YY1AP1: variants seen among roughly 807,000 people sequenced by gnomAD.
YY1AP1 encodes YY1-associated protein 1.
A neutral mutation model predicts 39.9 loss-of-function variants in YY1AP1; 43 were observed. The ratio of observed to expected loss-of-function variants is 1.08; its 90% CI spans 0.84 to 1.39. YY1AP1 has a LOEUF of 1.39. Among genes scored for constraint, YY1AP1 ranks in the 40% most tolerant of loss-of-function variants. The pLI is 0.00. For synonymous variants in YY1AP1, 292 were observed against 331.3 expected (o/e 0.88, Z 1.29); for missense variants, 813 against 900.7 (o/e 0.90, Z 1.25).
In YY1AP1 at chr1:155,675,102, G is replaced by T. The variant is rs1236922142; in HGVS notation, c.325-6C>A. The T allele has an allele frequency of 3.1e-6, 5 of 1,612,548 alleles. No homozygotes were observed. The African/African-American group carries it at 6.7e-5, about 22-fold the overall frequency. Reference sequence around the variant, plus strand: ...TGTGTCAAGAGCTGAACATGCTGGGGAGAGAAAGAAAATAATGCAGTGATA... The same window carrying T: ...TGTGTCAAGAGCTGAACATGCTGGGTAGAGAAAGAAAATAATGCAGTGATA... On this transcript the variant is annotated splice_region_variant and splice_polypyrimidine_tract_variant and intron_variant, in intron 5 of 10. Transcript: ENST00000355499.
intron 9 of YY1AP1, among the ~76,000 whole-genome samples, chr1:155,664,433 A>G (rs1262932877): frequency 2.8e-4 from 42 of 152,178 alleles, no homozygotes; most frequent in Admixed American, 2.7e-3. Flanking sequence ...CAATATTACT[A>G]CCAGGAAACT....
chr1:155,665,016 C>T (rs1190745603), intron 9 of YY1AP1, among the ~76,000 whole-genome samples: 2 of 151,868 alleles, frequency 1.3e-5, no homozygotes, highest in African/African-American at 2.4e-5. Flanking sequence ...GTGATCCACC[C>T]GCCTCAGCCT....
chr1:155,660,384 G>A lies in YY1AP1; in HGVS notation c.1526C>T (p.Pro509Leu). The A allele has an allele frequency of 6.2e-7, 1 of 1,614,132 alleles. No homozygotes were observed. The highest frequency in any genetic ancestry group is 8.5e-7 in the Non-Finnish European group (1 of 1,180,026). Reference sequence around the variant, plus strand: ...GGCAGGGGAGGGCATCATTACCTTGGGCACAGGGGCAGAAGAGAGCAAAGT... The same window carrying A: ...GGCAGGGGAGGGCATCATTACCTTGAGCACAGGGGCAGAAGAGAGCAAAGT... ...SQTLLSSAPVPKVMMPSPASS... is the reference protein window; with the variant it reads ...SQTLLSSAPVLKVMMPSPASS... The change falls in exon 11 of 11, where the codon CCC (proline) becomes CTC (leucine). Residue 509 changes from proline (P) to leucine (L), a missense_variant. Transcript: ENST00000355499.
At chr1:155,675,149 G>C in intron 5 of YY1AP1, 53 bp from the exon 6 acceptor site, 1 of 1,536,332 alleles carries the variant, frequency 6.5e-7, no homozygotes, top group Non-Finnish European at 9.0e-7. Context: ...TGCCATTTCA[G>C]GAGCCCAGAG....
intron 9 of YY1AP1, among the ~76,000 whole-genome samples, chr1:155,665,641 G>C (rs1178145898): frequency 1.3e-5 from 2 of 150,338 alleles, no homozygotes; most frequent in African/African-American, 4.9e-5. Context: ...GGCCAGGCGT[G>C]GTGTCTCACG....
intron 2 of YY1AP1, among the ~76,000 whole-genome samples, chr1:155,681,428 T>TA (rs1044300377): frequency 2.0e-4 from 30 of 151,594 alleles, no homozygotes; most frequent in African/African-American, 6.8e-4. Flanking sequence ...AACATATCTC[T>TA]AAAAAAAAAT....
At chr1:155,688,976 T>A (rs1653228974), upstream of YY1AP1, 1 of 1,608,276 alleles carries the variant, frequency 6.2e-7, no homozygotes, top group South Asian at 1.1e-5. Context: ...TCCTCCTCCA[T>A]GGGACCGCGG....
intron 9 of YY1AP1, 113 bp from the exon 10 acceptor site, chr1:155,661,536 C>T: frequency 1.3e-6 from 2 of 1,574,278 alleles, no homozygotes; most frequent in South Asian, 1.1e-5. Flanking sequence ...CACACACACA[C>T]ACACACACAC....
chr1:155,666,401 G>A (rs532259108), intron 9 of YY1AP1, among the ~76,000 whole-genome samples: 4 of 152,278 alleles, frequency 2.6e-5, no homozygotes, highest in South Asian at 4.1e-4. Context: ...GATTACAGGC[G>A]TGAGCCACCG....
intron 1 of YY1AP1, 146 bp downstream of exon 1, chr1:155,688,513 G>A (rs1375559379): frequency 6.5e-7 from 1 of 1,545,776 alleles, no homozygotes; most frequent in Admixed American, 2.0e-5. Flanking sequence ...CGGGCTCGTC[G>A]CTGGCTGCTC....
intron 4 of YY1AP1, among the ~76,000 whole-genome samples, chr1:155,678,621 A>G (rs1651065366): frequency 6.6e-6 from 1 of 152,274 alleles, no homozygotes; most frequent in African/African-American, 2.4e-5. Context: ...GAGAATGACT[A>G]GTAGTTCTAG....
intron 3 of YY1AP1, 100 bp from the exon 4 acceptor site, chr1:155,679,612 T>G: frequency 6.3e-7 from 1 of 1,582,182 alleles, no homozygotes; most frequent in Non-Finnish European, 8.6e-7. Context: ...AATACTTTAA[T>G]AATGCTGGCA....
intron 2 of YY1AP1, among the ~76,000 whole-genome samples, chr1:155,686,077 CA>C (rs1652214479): frequency 1.4e-5 from 2 of 140,312 alleles, no homozygotes; most frequent in South Asian, 4.6e-4. Flanking sequence ...CTCTGTGGCC[CA>C]GGCTGGAGTG....
chr1:155,679,050 A>G lies in YY1AP1; in HGVS notation c.125+359T>C, dbSNP rs1333661047. Reference sequence around the variant, plus strand: ...AAATTTTCAGTCACATTTAGCAGATATTAATGGCACATAAAAAGAACAAAA... The same window carrying G: ...AAATTTTCAGTCACATTTAGCAGATGTTAATGGCACATAAAAAGAACAAAA... On this transcript the variant is annotated intron_variant, in intron 4 of 10. Transcript: ENST00000355499. The G allele has an allele frequency of 1.1e-5, 12 of 1,089,770 alleles. No individual in the cohort carries two copies. The East Asian group carries it at 4.6e-4, about 42-fold the overall frequency. 67.5% of individuals were successfully genotyped at this position (1,089,770 alleles called of 1,614,324 possible). A position where few individuals can be genotyped will look rare whatever the true frequency, so the allele number is the denominator to read the frequency against.
rs1307915634 is a variant in YY1AP1, at chr1:155,676,421, A to G, written c.324+127T>C. 10 of 1,125,378 alleles carry G rather than the reference A, an allele frequency of 8.9e-6. No homozygotes were observed. The Admixed American group carries it at 1.2e-4, about 13-fold the overall frequency. 69.7% of individuals were successfully genotyped at this position (1,125,378 alleles called of 1,614,324 possible). ...AGCTCCTAACTGATGTGAAGATACT[A>G]CGGTTTTAATACGTAGTAAGGTAAC... is the stretch of plus-strand genomic sequence containing the variant. On this transcript the variant is annotated intron_variant, in intron 5 of 10. Transcript: ENST00000355499.
chr1:155,683,826 A>C (rs1651852867), intron 2 of YY1AP1, among the ~76,000 whole-genome samples: 1 of 152,058 alleles, frequency 6.6e-6, no homozygotes, highest in South Asian at 2.1e-4. Flanking sequence ...TTTTGGAGAA[A>C]ATCTTGGATT....
At chr1:155,673,894 G>A (rs556565313) in intron 6 of YY1AP1, among the ~76,000 whole-genome samples, 1 of 152,084 alleles carries the variant, frequency 6.6e-6, no homozygotes, top group East Asian at 1.9e-4. Flanking sequence ...GGGCGCGGTG[G>A]CTCACGCCTG....
intron 7 of YY1AP1, chr1:155,671,059 G>C (rs1171619705): frequency 6.5e-6 from 1 of 152,718 alleles, no homozygotes; most frequent in African/African-American, 2.4e-5. Flanking sequence ...CATAGTGTAT[G>C]CTCAAAAATG....
At chr1:155,669,460 C>T (rs1649530498) in intron 8 of YY1AP1, among the ~76,000 whole-genome samples, 1 of 151,990 alleles carries the variant, frequency 6.6e-6, no homozygotes, top group African/African-American at 2.4e-5. Flanking sequence ...AAATAGTTCA[C>T]AATTAAGTAG....
Sources: gnomAD v4.1 joint callset for allele counts (sites outside exome capture counted in the v4.1 genomes callset) on GRCh38, gnomAD v4.1.1 for gene constraint, MANE v1.5 for transcripts, NCBI Gene and HGNC (gene_info 2026-07-23, HGNC 2026-07-21) for gene names.